The following IRF6 variants were observed in gnomAD, a reference collection of about 807,000 sequenced individuals.
The protein encoded by IRF6 is interferon regulatory factor 6.
IRF6 carries 6 observed loss-of-function variants against 51.4 expected under a neutral mutation model. That is an observed-to-expected ratio of 0.12 (90% CI 0.06 to 0.23). The LOEUF is 0.23. Ranked by LOEUF, IRF6 falls within the 10% of genes least tolerant of loss-of-function variation. The pLI is 1.00. For missense variants in IRF6, 348 were observed against 585.2 expected (o/e 0.59, Z 4.18); for synonymous variants, 178 against 215.7 (o/e 0.83, Z 1.53).
chr1:209,803,766 A>G (rs861020), intron 1 of IRF6, among the ~76,000 whole-genome samples: 125,310 of 152,198 alleles, frequency 0.82, 51,676 homozygotes, highest in African/African-American at 0.87. Flanking sequence ...AGACAGAAAC[A>G]TTCATTACGT....
intron 6 of IRF6, 144 bp downstream of exon 6, chr1:209,792,125 G>T: frequency 1.1e-6 from 1 of 885,012 alleles, no homozygotes; most frequent in Non-Finnish European, 1.8e-6. Context: ...TGACTCATGG[G>T]CTAGCCAGGA....
chr1:209,801,435 G>A lies in IRF6; in HGVS notation c.-3-19C>T, dbSNP rs1471311311. The A allele has an allele frequency of 5.1e-6, 8 of 1,554,342 alleles. No homozygotes were observed. The highest frequency in any genetic ancestry group is 6.1e-6 in the Non-Finnish European group (7 of 1,153,714). The stretch of plus-strand genomic sequence containing the variant: ...CCATGATCTGGGGGGGTCAGAGGGA[G>A]AAATGGGAAGAGCAGAAGAATTAGG... On this transcript the variant is annotated intron_variant, in intron 2 of 8. Coordinates refer to ENST00000367021, the MANE Select transcript of IRF6 (RefSeq NM_006147.4).
chr1:209,798,853 G>A (rs4844494), intron 3 of IRF6, among the ~76,000 whole-genome samples: 6,587 of 144,412 alleles, frequency 0.046, 782 homozygotes, highest in East Asian at 0.41. Context: ...AGTTTGCAGT[G>A]AGCCAAGATC....
At position 209,788,449 on chromosome 1, in the gene IRF6, G is replaced by C. The variant is rs745948584; in HGVS notation, c.1375C>G (p.Gln459Glu). ...TGGGGAGGCAGGGCAGGGGGCAGTT[G>C]CATGCTGGGGGTGGGCTGCATGGGC... ...WQPMQPTPSM[Q>E]LPPALPPQ Residue 459 changes from glutamine (Q) to glutamate (E), a missense_variant, in exon 9 of 9, where the codon CAA (glutamine) becomes GAA (glutamate). Transcript: ENST00000367021. 1.2e-6 allele frequency: 2 copies of C among 1,613,466 alleles called. No individual in the cohort carries two copies. Among genetic ancestry groups the C allele is most frequent in the Non-Finnish European group, 1.7e-6 (2 of 1,179,632 alleles).
At chr1:209,793,454 C>A (rs1385018790) in intron 5 of IRF6, among the ~76,000 whole-genome samples, 1 of 152,110 alleles carries the variant, frequency 6.6e-6, no homozygotes, top group Admixed American at 6.5e-5. Flanking sequence ...AAACTGCATC[C>A]TTTTAGGGGG....
chr1:209,792,964 C>A (rs76317523), intron 5 of IRF6, among the ~76,000 whole-genome samples: 1 of 152,080 alleles, frequency 6.6e-6, no homozygotes, highest in Non-Finnish European at 1.5e-5. Context: ...AGAAGGAAAA[C>A]CTTTCCACTG....
chr1:209,792,608 C>T (rs2077876184), intron 5 of IRF6, 181 bp from the exon 6 acceptor site: 1 of 633,938 alleles, frequency 1.6e-6, no homozygotes, highest in Non-Finnish European at 2.8e-6. Flanking sequence ...TTCCCCTGCT[C>T]CTGCTTCCTA....
chr1:209,796,340 G>A lies in IRF6; in HGVS notation c.379+8C>T. 6.2e-7 allele frequency: 1 copy of A among 1,613,200 alleles called. No individual in the cohort carries two copies. The highest frequency in any genetic ancestry group is 8.5e-7 in the Non-Finnish European group (1 of 1,179,564). On this transcript the variant is annotated splice_region_variant and intron_variant, in intron 4 of 8. Transcript: ENST00000367021. This position sits in a 1 kb window ranked among gnomAD's most constrained non-coding sequence, Gnocchi z 4.5. ...TGCCCACCTTCTCCCCAGCACCTGGGGCCTCACCTGGGTTAATGATCGAGC... is the reference window on the plus strand; with the variant it reads ...TGCCCACCTTCTCCCCAGCACCTGGAGCCTCACCTGGGTTAATGATCGAGC...
intron 1 of IRF6, among the ~76,000 whole-genome samples, chr1:209,803,190 T>C (rs2077954248): frequency 1.3e-5 from 2 of 152,180 alleles, no homozygotes; most frequent in East Asian, 1.9e-4. Context: ...CAACGGCTAG[T>C]TCTACCTTCT....
intron 4 of IRF6, among the ~76,000 whole-genome samples, chr1:209,795,791 C>T (rs554707437): frequency 1.3e-5 from 2 of 152,214 alleles, no homozygotes; most frequent in African/African-American, 4.8e-5. Flanking sequence ...CAAAACATCA[C>T]TATATACCCA....
intron 5 of IRF6, chr1:209,792,703 G>A: frequency 1.0e-5 from 5 of 497,918 alleles, no homozygotes; most frequent in East Asian, 7.4e-5. Context: ...TTTCTCTGGA[G>A]GTTAAATTAC....
chr1:209,804,238 T>C (rs1224757558), intron 1 of IRF6, among the ~76,000 whole-genome samples: 1 of 152,242 alleles, frequency 6.6e-6, no homozygotes, highest in Non-Finnish European at 1.5e-5. Flanking sequence ...CTAACATGTC[T>C]GATTTCATCC....
chr1:209,791,785 TTTG>T (rs138788153), intron 6 of IRF6, among the ~76,000 whole-genome samples: 2,716 of 152,172 alleles, frequency 0.018, 96 homozygotes, highest in African/African-American at 0.062. Flanking sequence ...AGCCAATGTT[TTTG>T]TTGTTGTTGT....
Position 209,792,458 on chromosome 1 carries a change from G to C in IRF6, c.509-31C>G, listed in dbSNP as rs747061277. 3 of 1,610,440 alleles carry C rather than the reference G, an allele frequency of 1.9e-6. No individual in the cohort carries two copies. The South Asian group carries it at 3.3e-5, about 18-fold the overall frequency. On this transcript the variant is annotated intron_variant, in intron 5 of 8. Coordinates refer to ENST00000367021, the MANE Select transcript of IRF6 (RefSeq NM_006147.4). The stretch of plus-strand genomic sequence containing the variant: ...ACAAAAGCATATGGTGAGCAGACAG[G>C]GGTACCACACGTGCACATCACTTGC...
In IRF6 at chr1:209,790,843, C is replaced by G. The variant is rs1474008593; in HGVS notation, c.712G>C (p.Gly238Arg). The change falls in exon 7 of 9, where the codon GGG (glycine) becomes CGG (arginine). Residue 238 changes from glycine to arginine, a missense_variant. Gly to Arg is a moderately radical substitution (Grantham distance 125). Transcript: ENST00000367021. This position sits in a 1 kb window ranked among gnomAD's most constrained non-coding sequence, Gnocchi z 4.8. Reference sequence around the variant, plus strand: ...GGGTTGCTCACGGTCATGGTCTGCCCGTACTCCTTCCCACGGTACTGAAAC... The same window carrying G: ...GGGTTGCTCACGGTCATGGTCTGCCGGTACTCCTTCCCACGGTACTGAAAC... ...IKFQYRGKEY[G>R]QTMTVSNPQG... 3.7e-6 allele frequency: 6 copies of G among 1,613,446 alleles called. No homozygotes were observed. Among genetic ancestry groups the G allele is most frequent in the Non-Finnish European group, 4.2e-6 (5 of 1,180,032 alleles).
chr1:209,801,425 G>A lies in IRF6; in HGVS notation c.-3-9C>T, dbSNP rs760001361. 1 of 1,564,736 alleles carries A rather than the reference G, an allele frequency of 6.4e-7. No individual in the cohort carries two copies. Among genetic ancestry groups the A allele is most frequent in the Non-Finnish European group, 8.6e-7 (1 of 1,159,032 alleles). ...GGGTGGAGGGCCATGATCTGGGGGG[G>A]TCAGAGGGAGAAATGGGAAGAGCAG... On this transcript the variant is annotated splice_polypyrimidine_tract_variant and intron_variant, in intron 2 of 8. Transcript: ENST00000367021.
intron 5 of IRF6, among the ~76,000 whole-genome samples, chr1:209,794,381 C>T (rs1483078721): frequency 1.3e-5 from 2 of 152,196 alleles, no homozygotes; most frequent in Non-Finnish European, 2.9e-5. Context: ...TCTCTTTACC[C>T]ACACTTGGTT....
chr1:209,805,927 C>T lies in IRF6; in HGVS notation c.-76+20G>A, dbSNP rs1390607891. The T allele has an allele frequency of 2.6e-5, 4 of 152,344 alleles. No individual in the cohort carries two copies. The highest frequency in any genetic ancestry group is 2.6e-4 in the Admixed American group (4 of 15,290). 9.4% of individuals were successfully genotyped at this position (152,344 alleles called of 1,614,324 possible). On this transcript the variant is annotated intron_variant, in intron 1 of 8. Coordinates refer to ENST00000367021, the MANE Select transcript of IRF6 (RefSeq NM_006147.4). ...AGCCTCTCCTCCCTCAAGCTGGTCC[C>T]CAGAAGTTGGCGTACCCACCTTTGC...
intron 5 of IRF6, 64 bp from the exon 6 acceptor site, chr1:209,792,491 C>T (rs896625695): frequency 1.7e-5 from 26 of 1,567,878 alleles, no homozygotes; most frequent in Non-Finnish European, 1.9e-5. Flanking sequence ...TGCTGATGCT[C>T]TGAGAACTCA....
Sources: gnomAD v4.1 joint callset for allele counts (sites outside exome capture counted in the v4.1 genomes callset) on GRCh38, gnomAD v4.1.1 for gene constraint, Gnocchi (gnomAD v3.1) non-coding constraint, MANE v1.5 for transcripts, NCBI Gene and HGNC (gene_info 2026-07-23, HGNC 2026-07-21) for gene names.